The following STXBP5 variants were observed in gnomAD, a reference collection of about 807,000 sequenced individuals.
STXBP5 encodes the protein syntaxin-binding protein 5.
A neutral mutation model predicts 152.4 loss-of-function variants in STXBP5; 50 were observed. The observed-to-expected ratio is 0.33, with a 90% CI of 0.26 to 0.42. The LOEUF is 0.42. Among genes scored for constraint, STXBP5 ranks in the 10% least tolerant of loss-of-function variants. The pLI, the probability that STXBP5 is intolerant of heterozygous loss-of-function variation, is 1.00. For missense variants in STXBP5, 1,167 were observed against 1,388.6 expected, an observed-to-expected ratio of 0.84 and a Z score of 2.54; for synonymous variants, 492 against 494.7, an observed-to-expected ratio of 0.99 and a Z score of 0.07.
At chr6:147,291,904 A>G (rs2128352979) in intron 9 of STXBP5, among the ~76,000 whole-genome samples, 1 of 150,518 alleles carries the variant, frequency 6.6e-6, no homozygotes, top group African/African-American at 2.5e-5. Context: ...TATATATAGT[A>G]TAGTGCAGAG....
intron 19 of STXBP5, among the ~76,000 whole-genome samples, chr6:147,337,103 A>G (rs1260971604): frequency 6.6e-6 from 1 of 151,886 alleles, no homozygotes; most frequent in Non-Finnish European, 1.5e-5. Flanking sequence ...CCTTACATCA[A>G]AGAACTTATA....
At chr6:147,305,102 A>G (rs934468508) in intron 9 of STXBP5, among the ~76,000 whole-genome samples, 3 of 152,174 alleles carry the variant, frequency 2.0e-5, no homozygotes, top group Non-Finnish European at 1.5e-5. Flanking sequence ...TTATGGCTGT[A>G]AAGAGTTCCT....
chr6:147,204,700 C>T lies in STXBP5; in HGVS notation c.150+18C>T, dbSNP rs1776446137. 3 of 1,539,146 alleles carry T rather than the reference C, an allele frequency of 1.9e-6. No individual in the cohort carries two copies. Among genetic ancestry groups the T allele is most frequent in the South Asian group, 2.4e-5 (2 of 83,738 alleles). On this transcript the variant is annotated intron_variant, in intron 1 of 27. Transcript: ENST00000321680. This position sits in a 1 kb window ranked among gnomAD's most constrained non-coding sequence, Gnocchi z 4.3. ...TCTGCAAGGTGAACGGAGCGCGCAG[C>T]CCCGCGACACCGTCATTGAAAAATT... is the stretch of plus-strand genomic sequence containing the variant.
chr6:147,266,158 G>A (rs975872853), intron 6 of STXBP5, among the ~76,000 whole-genome samples: 2 of 152,068 alleles, frequency 1.3e-5, no homozygotes, highest in Non-Finnish European at 2.9e-5. Flanking sequence ...GAGTGGCCAT[G>A]GTATGGTAAG....
chr6:147,356,822 A>G (rs1048791810), intron 22 of STXBP5, among the ~76,000 whole-genome samples: 1 of 152,136 alleles, frequency 6.6e-6, no homozygotes, highest in African/African-American at 2.4e-5. Context: ...AACATGTTTT[A>G]TAGTTTTCAC....
At chr6:147,327,040 T>A in intron 17 of STXBP5, 85 bp from the exon 18 acceptor site, 4 of 1,286,210 alleles carry the variant, frequency 3.1e-6, no homozygotes, top group Non-Finnish European at 4.3e-6. Context: ...CCCACCATGC[T>A]TCTTTCTTCA....
chr6:147,229,451 G>A (rs1050469425), intron 2 of STXBP5, among the ~76,000 whole-genome samples: 1 of 151,502 alleles, frequency 6.6e-6, no homozygotes, highest in Non-Finnish European at 1.5e-5. Context: ...GATTGTTTAG[G>A]TTCTTTATAT....
intron 1 of STXBP5, 71 bp from the exon 2 acceptor site, chr6:147,205,884 TTCTAAATTCTAACGCC>T: frequency 1.0e-6 from 1 of 966,588 alleles, no homozygotes; most frequent in South Asian, 1.4e-5. Flanking sequence ...GTGGTAGTGG[TTCTAAATTCTAACGCC>T]TCTATTGACT....
intron 4 of STXBP5, among the ~76,000 whole-genome samples, 191 bp downstream of exon 4, chr6:147,239,461 A>C (rs1363604480): frequency 6.6e-6 from 1 of 152,240 alleles, no homozygotes; most frequent in South Asian, 2.1e-4. Context: ...CAGCAACCAC[A>C]TAAATTTCTT....
intron 16 of STXBP5, among the ~76,000 whole-genome samples, chr6:147,320,215 G>T (rs971198693): frequency 2.6e-5 from 4 of 152,072 alleles, no homozygotes; most frequent in African/African-American, 9.7e-5. Context: ...TATTGTTAAA[G>T]GTAAAGATGC....
chr6:147,213,715 C>T (rs1027257996), intron 2 of STXBP5, among the ~76,000 whole-genome samples: 12 of 151,890 alleles, frequency 7.9e-5, no homozygotes, highest in Non-Finnish European at 1.3e-4. Context: ...AGTTTCCTGA[C>T]CTGATTTGCT....
At chr6:147,213,118 A>G (rs750070127) in intron 2 of STXBP5, among the ~76,000 whole-genome samples, 4 of 152,158 alleles carry the variant, frequency 2.6e-5, no homozygotes, top group Admixed American at 1.3e-4. Flanking sequence ...TGTATAGTGT[A>G]ATAACTTGGA....
At chr6:147,277,986 G>A in intron 7 of STXBP5, 95 bp from the exon 8 acceptor site, 1 of 1,170,020 alleles carries the variant, frequency 8.5e-7, no homozygotes, top group Non-Finnish European at 1.2e-6. Flanking sequence ...AGGAAATAAA[G>A]AAAAGTTAAA....
At chr6:147,305,273 T>G (rs1215063926) in intron 9 of STXBP5, among the ~76,000 whole-genome samples, 1 of 152,240 alleles carries the variant, frequency 6.6e-6, no homozygotes, top group African/African-American at 2.4e-5. Flanking sequence ...AAAAAAAATT[T>G]AAATACTTCT....
At chr6:147,362,885 T>G (rs1785125677) in intron 23 of STXBP5, among the ~76,000 whole-genome samples, 1 of 152,196 alleles carries the variant, frequency 6.6e-6, no homozygotes. Flanking sequence ...CACCATGCGC[T>G]GCAGTTGTTC....
intron 26 of STXBP5, among the ~76,000 whole-genome samples, chr6:147,377,622 T>G (rs537971933): frequency 1.3e-5 from 2 of 152,268 alleles, no homozygotes; most frequent in African/African-American, 4.8e-5. Context: ...ACAGACAGCC[T>G]TCTGGCTGCA....
intron 8 of STXBP5, among the ~76,000 whole-genome samples, chr6:147,280,379 C>T (rs1780646428): frequency 6.6e-6 from 1 of 152,112 alleles, no homozygotes; most frequent in South Asian, 2.1e-4. Context: ...TGATTTGTCC[C>T]ATATTAGTGG....
chr6:147,280,324 G>T (rs1780643542), intron 8 of STXBP5, among the ~76,000 whole-genome samples: 1 of 152,108 alleles, frequency 6.6e-6, no homozygotes, highest in African/African-American at 2.4e-5. Context: ...TATCCCAAAA[G>T]GATTGAGGTG....
At chr6:147,305,886 G>A (rs193141451) in intron 9 of STXBP5, among the ~76,000 whole-genome samples, 109 of 152,170 alleles carry the variant, frequency 7.2e-4, no homozygotes, top group African/African-American at 2.3e-3. Flanking sequence ...AAATGGAATT[G>A]TACATTTCCA....
Sources: gnomAD v4.1 joint callset for allele counts (sites outside exome capture counted in the v4.1 genomes callset) on GRCh38, gnomAD v4.1.1 for gene constraint, Gnocchi (gnomAD v3.1) non-coding constraint, MANE v1.5 for transcripts, NCBI Gene and HGNC (gene_info 2026-07-23, HGNC 2026-07-21) for gene names.